TJP1: variants seen among roughly 807,000 people sequenced by gnomAD.
TJP1 encodes tight junction protein ZO-1.
Under a neutral mutation model 194.2 loss-of-function variants are expected in TJP1, and 43 were observed. The observed-to-expected ratio is 0.22, with a 90% CI of 0.17 to 0.29. TJP1 has a LOEUF of 0.29. Among genes scored for constraint, TJP1 ranks in the 10% least tolerant of loss-of-function variants. The pLI is 1.00. For synonymous variants in TJP1, 801 were observed against 779.0 expected (o/e 1.03, Z -0.47); for missense variants, 1,971 against 2,185.7 (o/e 0.90, Z 1.96).
intron 2 of TJP1, among the ~76,000 whole-genome samples, chr15:29,877,407 G>A (rs1007522484): frequency 7.9e-5 from 12 of 152,278 alleles, no homozygotes; most frequent in African/African-American, 2.6e-4. Context: ...CATAGACACA[G>A]GGTCTCACTT....
intron 2 of TJP1, among the ~76,000 whole-genome samples, chr15:29,888,330 A>C (rs1055297481): frequency 5.3e-5 from 8 of 152,178 alleles, no homozygotes; most frequent in Non-Finnish European, 1.2e-4. Context: ...TATAACAGAA[A>C]TATATGCAAT....
chr15:29,912,747 T>C (rs1352903781), intron 2 of TJP1, among the ~76,000 whole-genome samples: 1 of 144,996 alleles, frequency 6.9e-6, no homozygotes, highest in Admixed American at 6.8e-5. Context: ...AAAAATATTC[T>C]GGGAGGTGAT....
chr15:29,765,326 G>T (rs192754068), intron 5 of TJP1, among the ~76,000 whole-genome samples: 1 of 152,248 alleles, frequency 6.6e-6, no homozygotes, highest in East Asian at 1.9e-4. Flanking sequence ...CCACCTAGGA[G>T]ATATGCCAAG....
At chr15:29,902,536 A>ATTC (rs1450296829) in intron 2 of TJP1, among the ~76,000 whole-genome samples, 1 of 152,214 alleles carries the variant, frequency 6.6e-6, no homozygotes, top group Non-Finnish European at 1.5e-5. Context: ...AATCAGAGCT[A>ATTC]TTCTTCATTG....
At chr15:29,847,923 T>C in intron 2 of TJP1, among the ~76,000 whole-genome samples, 1 of 152,250 alleles carries the variant, frequency 6.6e-6, no homozygotes, top group East Asian at 1.9e-4. Flanking sequence ...TTTCCAATTA[T>C]GTGTATTTTT....
At chr15:29,719,358 TAAAC>T (rs2042790383) in intron 20 of TJP1, among the ~76,000 whole-genome samples, 3 of 152,174 alleles carry the variant, frequency 2.0e-5, no homozygotes, top group Admixed American at 6.5e-5. Context: ...ATGTACTAAA[TAAAC>T]AGTGAGTTAA....
chr15:29,733,202 A>C lies in TJP1; in HGVS notation c.1628T>G (p.Phe543Cys). The C allele has an allele frequency of 6.2e-7, 1 of 1,614,118 alleles. No individual in the cohort carries two copies. The highest frequency in any genetic ancestry group is 8.5e-7 in the Non-Finnish European group (1 of 1,179,996). Residue 543 changes from phenylalanine to cysteine, a missense_variant, in exon 13 of 28, where the codon TTC (phenylalanine) becomes TGC (cysteine). Physicochemically the swap from Phe to Cys is radical, Grantham distance 205 (BLOSUM62 -2). This residue lies in a region of TJP1 where 402 missense variants were observed against 484.2 expected (regional missense o/e 0.83). Coordinates refer to ENST00000614355, the MANE Select transcript of TJP1 (RefSeq NM_001330239.4). ...YGLSFNKGEVFRVVDTLYNGK... is the reference protein window; with the variant it reads ...YGLSFNKGEVCRVVDTLYNGK... The stretch of plus-strand genomic sequence containing the variant: ...ATTGTACAAGGTATCCACAACACGG[A>C]ACACCTCTCCTTTGTTAAAACTAAG...
rs2044190472 is a variant in TJP1 at position 29,738,630 on chromosome 15, TG to T, written c.1257-1217del. 1.3e-5 allele frequency among the ~76,000 whole-genome samples: 2 copies of T among 152,024 alleles called. 1 individual carries two copies. Among genetic ancestry groups the T allele is most frequent in the South Asian group, 4.2e-4 (2 of 4,818 alleles). ...TTTACTACAAATGGTCCAAGCCCCT[TG>T]GTTGTAGTGGTATCCTAGCCAGGTC... On this transcript the variant is annotated intron_variant, in intron 10 of 27. Coordinates refer to ENST00000614355, the MANE Select transcript of TJP1 (RefSeq NM_001330239.4).
intron 2 of TJP1, among the ~76,000 whole-genome samples, chr15:29,918,513 T>C (rs2054257760): frequency 6.6e-6 from 1 of 151,900 alleles, no homozygotes; most frequent in Admixed American, 6.6e-5. Context: ...GGCGGGTGGG[T>C]TGTTTGAGCT....
chr15:29,776,895 T>A (rs538448053), intron 2 of TJP1, among the ~76,000 whole-genome samples: 1 of 152,312 alleles, frequency 6.6e-6, no homozygotes, highest in Middle Eastern at 3.4e-3. Context: ...ACAAATACTA[T>A]CAAGAATTGT....
rs1195883043 is a variant in TJP1 at position 29,905,506 on chromosome 15, TA to T, written c.306+50725del. Among the ~76,000 whole-genome samples, 6 of 152,216 alleles carry T rather than the reference TA, an allele frequency of 3.9e-5. No individual in the cohort carries two copies. The East Asian group carries it at 1.2e-3, about 29-fold the overall frequency. On this transcript the variant is annotated intron_variant, in intron 2 of 28. Coordinates refer to the TJP1 transcript ENST00000356107. ...CAACCCATCCAGCCATCACACTCTT[TA>T]GTATTTATCCAAATGAGTCGAAAAC...
At chr15:29,953,163 A>G (rs1216288137) in intron 2 of TJP1, among the ~76,000 whole-genome samples, 1 of 31,250 alleles carries the variant, frequency 3.2e-5, no homozygotes, top group Non-Finnish European at 8.3e-5. Flanking sequence ...TTTTTTTGCA[A>G]CGGAGTCTCG....
At chr15:29,780,626 A>G (rs1253387980) in intron 2 of TJP1, among the ~76,000 whole-genome samples, 1 of 152,190 alleles carries the variant, frequency 6.6e-6, no homozygotes, top group East Asian at 1.9e-4. Context: ...GAGTAGCAGA[A>G]TAACATCTCT....
chr15:29,740,355 G>T (rs527298802), intron 10 of TJP1, among the ~76,000 whole-genome samples: 1 of 152,136 alleles, frequency 6.6e-6, no homozygotes, highest in African/African-American at 2.4e-5. Flanking sequence ...GCTGGGTACA[G>T]TGGCTCACAT....
Position 29,720,649 on chromosome 15 carries a change from TGACAGGTAG to T in TJP1, c.2463_2471del (p.Tyr822_Ser824del). On this transcript the variant is annotated inframe_deletion, in exon 19 of 28. Coordinates refer to ENST00000614355, the MANE Select transcript of TJP1 (RefSeq NM_001330239.4). Reference sequence around the variant, plus strand: ...ACATTGAGTATTCACTACCTGGAGCTGACAGGTAGGACAGACGATCATCATGCAAATCAA... The same window carrying T: ...ACATTGAGTATTCACTACCTGGAGCTGACAGACGATCATCATGCAAATCAA... 6.2e-7 allele frequency: 1 copy of T among 1,614,022 alleles called. No individual in the cohort carries two copies. Among genetic ancestry groups the T allele is most frequent in the Non-Finnish European group, 8.5e-7 (1 of 1,179,950 alleles).
Position 29,718,125 on chromosome 15 carries a change from A to G in TJP1, c.3877-7T>C. On this transcript the variant is annotated splice_polypyrimidine_tract_variant and splice_region_variant and intron_variant, in intron 21 of 27. Transcript: ENST00000614355. ...TAGATGCTACTTCTGGAGGCTGTTT[A>G]AAAAAAAAAAAAAAAAAAAGACAAA... The G allele has an allele frequency of 5.0e-6, 1 of 200,212 alleles. No homozygotes were observed. Among genetic ancestry groups the G allele is most frequent in the Non-Finnish European group, 8.6e-6 (1 of 116,330 alleles). 12.4% of individuals were successfully genotyped at this position (200,212 alleles called of 1,614,324 possible).
intron 2 of TJP1, among the ~76,000 whole-genome samples, chr15:29,787,291 A>T (rs923369525): frequency 1.3e-5 from 2 of 152,220 alleles, no homozygotes; most frequent in Non-Finnish European, 2.9e-5. Context: ...ATCTACAAAA[A>T]TTAAGTTTAA....
intron 2 of TJP1, among the ~76,000 whole-genome samples, chr15:29,941,644 C>T (rs2055082242): frequency 6.6e-6 from 1 of 152,160 alleles, no homozygotes; most frequent in African/African-American, 2.4e-5. Context: ...ATCCAGTTTC[C>T]CAGCCACCTT....
At chr15:29,928,656 C>T (rs569164802) in intron 2 of TJP1, among the ~76,000 whole-genome samples, 2 of 152,272 alleles carry the variant, frequency 1.3e-5, no homozygotes, top group Middle Eastern at 3.4e-3. Flanking sequence ...AAAACACACA[C>T]TTGTCGGCCG....
Sources: gnomAD v4.1 joint callset for allele counts (sites outside exome capture counted in the v4.1 genomes callset) on GRCh38, gnomAD v4.1.1 for gene constraint, gnomAD v4.1.1 regional missense constraint, MANE v1.5 for transcripts, NCBI Gene and HGNC (gene_info 2026-07-23, HGNC 2026-07-21) for gene names.